Variants in CCDC14 observed in about 807,000 individuals in gnomAD.
CCDC14 encodes coiled-coil domain containing 14.
A neutral mutation model predicts 81.4 loss-of-function variants in CCDC14; 71 were observed. The ratio of observed to expected loss-of-function variants is 0.87; its 90% CI spans 0.72 to 1.06. The LOEUF is 1.06. Among genes scored for constraint, CCDC14 ranks in the 50% least tolerant of loss-of-function variants. The pLI, the probability that CCDC14 is intolerant of heterozygous loss-of-function variation, is 0.00. For missense variants in CCDC14, 1,046 were observed against 1,047.3 expected (o/e 1.00, Z 0.02); for synonymous variants, 332 against 364.8 (o/e 0.91, Z 1.03).
chr3:123,956,443 ATT>A lies in CCDC14; in HGVS notation c.87-18_87-17del. On this transcript the variant is annotated splice_polypyrimidine_tract_variant and intron_variant, in intron 2 of 12. Transcript: ENST00000409697. ...TAAATAGGTCCTGGAAAACAAGCTT[ATT>A]AATATTCTTACAAATATTTTTCCCA... 6.6e-7 allele frequency: 1 copy of A among 1,506,848 alleles called. No individual in the cohort carries two copies. The highest frequency in any genetic ancestry group is 9.0e-7 in the Non-Finnish European group (1 of 1,113,364). 93.3% of individuals were successfully genotyped at this position (1,506,848 alleles called of 1,614,324 possible).
chr3:123,956,349 T>C lies in CCDC14; in HGVS notation c.159+6A>G, dbSNP rs150851500. On this transcript the variant is annotated splice_donor_region_variant and intron_variant, in intron 3 of 12. Transcript: ENST00000409697. ...AATAGTGTGTATTGTATCTATTCAA[T>C]CTTACCTGACTTTCTGAATCAGAAT... 8.3e-5 allele frequency: 127 copies of C among 1,535,982 alleles called. No individual in the cohort carries two copies. The African/African-American group carries it at 1.7e-3, about 20-fold the overall frequency.
intron 9 of CCDC14, among the ~76,000 whole-genome samples, chr3:123,941,578 C>A (rs1217201923): frequency 6.6e-6 from 1 of 151,974 alleles, no homozygotes; most frequent in Non-Finnish European, 1.5e-5. Context: ...TACACTACTG[C>A]CAGAAACCTC....
chr3:123,910,490 C>CCAG (rs1392842687), downstream of CCDC14, among the ~76,000 whole-genome samples: 5 of 152,040 alleles, frequency 3.3e-5, no homozygotes, highest in Middle Eastern at 3.4e-3. Context: ...CTGCAGTTTT[C>CCAG]CAGTGCTTTG....
intron 12 of CCDC14, among the ~76,000 whole-genome samples, chr3:123,925,809 A>G (rs61431762): frequency 0.11 from 16,323 of 152,196 alleles, 1,975 homozygotes; most frequent in East Asian, 0.42. Context: ...CCAAAATACA[A>G]TAAGTGAGAT....
intron 5 of CCDC14, among the ~76,000 whole-genome samples, chr3:123,900,235 A>G (rs372064986): frequency 6.6e-6 from 1 of 152,240 alleles, no homozygotes; most frequent in Non-Finnish European, 1.5e-5. Context: ...GAGAGAAAGA[A>G]AAAAGAAGAA....
chr3:123,958,324 G>A (rs2148968935), intron 1 of CCDC14: 1 of 152,114 alleles, frequency 6.6e-6, no homozygotes, highest in South Asian at 2.1e-4. Context: ...GTATATGTCT[G>A]GCATAACTGT....
intron 5 of CCDC14, among the ~76,000 whole-genome samples, chr3:123,903,306 AC>A (rs2034217933): frequency 4.0e-5 from 1 of 25,112 alleles, no homozygotes; most frequent in Non-Finnish European, 1.3e-4. Context: ...AAACACACAC[AC>A]ACACACACAC....
intron 5 of CCDC14, among the ~76,000 whole-genome samples, chr3:123,949,969 T>A (rs1443578680): frequency 6.6e-6 from 1 of 152,206 alleles, no homozygotes; most frequent in African/African-American, 2.4e-5. Context: ...GGGCTGTACT[T>A]CATTGTTTTC....
intron 12 of CCDC14, among the ~76,000 whole-genome samples, chr3:123,926,351 T>C (rs2035360241): frequency 6.6e-6 from 1 of 151,920 alleles, no homozygotes; most frequent in Admixed American, 6.6e-5. Flanking sequence ...TTGGTGTTTC[T>C]ATTATACATA....
At chr3:123,938,988 A>C (rs2036204341) in intron 9 of CCDC14, among the ~76,000 whole-genome samples, 1 of 151,954 alleles carries the variant, frequency 6.6e-6, no homozygotes, top group African/African-American at 2.4e-5. Context: ...TCTTAGTTTT[A>C]TGTATAGATT....
downstream of CCDC14, chr3:123,897,303 T>C (rs2034080041): frequency 6.5e-6 from 1 of 152,932 alleles, no homozygotes; most frequent in Non-Finnish European, 1.5e-5. Context: ...TTACTGGGCA[T>C]CTTTCAGGAA....
intron 8 of CCDC14, among the ~76,000 whole-genome samples, chr3:123,946,405 AAAG>A (rs2036629642): frequency 6.6e-6 from 1 of 152,162 alleles, no homozygotes; most frequent in Admixed American, 6.5e-5. Context: ...GTTGGCTATT[AAAG>A]AAGTGACAGG....
At chr3:123,917,041 C>A (rs1164762448) in intron 12 of CCDC14, among the ~76,000 whole-genome samples, 1 of 151,640 alleles carries the variant, frequency 6.6e-6, no homozygotes, top group Non-Finnish European at 1.5e-5. Flanking sequence ...GACGGGGTTT[C>A]ACTGTGTTAG....
intron 12 of CCDC14, among the ~76,000 whole-genome samples, chr3:123,922,435 T>G (rs1387426476): frequency 6.6e-6 from 1 of 152,088 alleles, no homozygotes; most frequent in Non-Finnish European, 1.5e-5. Context: ...CTGAGTTTGT[T>G]TTTTTGGGAG....
chr3:123,916,939 T>A (rs146498418), intron 12 of CCDC14, among the ~76,000 whole-genome samples: 2,219 of 151,972 alleles, frequency 0.015, 56 homozygotes, highest in African/African-American at 0.051. Context: ...CCTTCTGGGT[T>A]CATGCCATTC....
intron 5 of CCDC14, chr3:123,897,748 A>G (rs2034096524): frequency 4.5e-6 from 1 of 222,442 alleles, no homozygotes; most frequent in Admixed American, 5.8e-5. Context: ...TACCCTCAAG[A>G]GCCCTATACC....
In CCDC14 at chr3:123,914,479, T is replaced by G. The variant is rs2034546803; in HGVS notation, c.*300A>C. 1 of 1,021,354 alleles carries G rather than the reference T, an allele frequency of 9.8e-7. No individual in the cohort carries two copies. The highest frequency in any genetic ancestry group is 1.2e-6 in the Non-Finnish European group (1 of 854,046). 63.3% of individuals were successfully genotyped at this position (1,021,354 alleles called of 1,614,324 possible). On this transcript the variant is annotated 3_prime_UTR_variant, in exon 13 of 13. Transcript: ENST00000409697. Reference sequence around the variant, plus strand: ...CACAGAACTATTTCAACCTGTACCCTTAATCCAGCAGATACATCTTAATAA... The same window carrying G: ...CACAGAACTATTTCAACCTGTACCCGTAATCCAGCAGATACATCTTAATAA...
chr3:123,914,485 C>T lies in CCDC14; in HGVS notation c.*294G>A. ...ACTATTTCAACCTGTACCCTTAATC[C>T]AGCAGATACATCTTAATAAAAGAAC... On this transcript the variant is annotated 3_prime_UTR_variant, in exon 13 of 13. Transcript: ENST00000409697. The T allele has an allele frequency of 2.9e-6, 3 of 1,026,654 alleles. No individual in the cohort carries two copies. The South Asian group carries it at 1.3e-4, about 44-fold the overall frequency. 63.6% of individuals were successfully genotyped at this position (1,026,654 alleles called of 1,614,324 possible).
At position 123,914,316 on chromosome 3, in the gene CCDC14, G is replaced by T. The variant is rs2148775909; in HGVS notation, c.*463C>A. On this transcript the variant is annotated 3_prime_UTR_variant, in exon 13 of 13. Coordinates refer to ENST00000409697, the MANE Select transcript of CCDC14 (RefSeq NM_001366335.1). Reference sequence around the variant, plus strand: ...TTTATATATTTCACCAACAACACTGGCCTGTGGCACACAGCATGTTTAATA... The same window carrying T: ...TTTATATATTTCACCAACAACACTGTCCTGTGGCACACAGCATGTTTAATA... The T allele has an allele frequency of 1.0e-6, 1 of 983,880 alleles. No individual in the cohort carries two copies. The highest frequency in any genetic ancestry group is 1.2e-6 in the Non-Finnish European group (1 of 829,150). The allele number at this position is 983,880 out of a possible 1,614,324, so 60.9% of individuals were successfully genotyped here.
Sources: allele counts gnomAD v4.1 joint callset (sites outside exome capture counted in the v4.1 genomes callset), GRCh38; gene constraint gnomAD v4.1.1; transcripts MANE v1.5; gene names NCBI Gene and HGNC (gene_info 2026-07-23, HGNC 2026-07-21).